The following FAM193A variants were observed in gnomAD, a reference collection of about 807,000 sequenced individuals.
FAM193A encodes the protein family with sequence similarity 193 member A.
Under a neutral mutation model 126.5 loss-of-function variants are expected in FAM193A, and 22 were observed. That is an observed-to-expected ratio of 0.17 (90% confidence interval 0.12 to 0.25). The LOEUF is 0.25. FAM193A is among the 10% of genes least tolerant of loss of function. FAM193A has a pLI of 1.00. For missense variants in FAM193A, 1,675 were observed against 1,672.8 expected (o/e 1.00, Z -0.02); for synonymous variants, 761 against 646.8 (o/e 1.18, Z -2.68).
At chr4:2,662,564 A>C (rs1210028674) in intron 10 of FAM193A, among the ~76,000 whole-genome samples, 2 of 152,208 alleles carry the variant, frequency 1.3e-5, no homozygotes, top group African/African-American at 4.8e-5. Flanking sequence ...AGTCTGGTTA[A>C]ATTTTTGTAG....
intron 1 of FAM193A, among the ~76,000 whole-genome samples, chr4:2,575,762 G>A (rs1463392428): frequency 1.3e-5 from 2 of 152,024 alleles, no homozygotes; most frequent in Non-Finnish European, 1.5e-5. Context: ...CATCGCGCCC[G>A]GCGAGATACT....
intron 15 of FAM193A, 63 bp from the exon 16 acceptor site, chr4:2,693,523 T>A: frequency 6.7e-7 from 1 of 1,499,464 alleles, no homozygotes; most frequent in Non-Finnish European, 9.1e-7. Context: ...TCTTTCAGAT[T>A]TTCTACAGGT....
intron 4 of FAM193A, among the ~76,000 whole-genome samples, chr4:2,628,219 A>G (rs182766625): frequency 2.2e-4 from 33 of 152,222 alleles, no homozygotes; most frequent in Non-Finnish European, 4.6e-4. Flanking sequence ...TGTGCAGTAG[A>G]TTCTTTCCTG....
In FAM193A at chr4:2,659,817, C is replaced by G; in HGVS notation, c.1508C>G (p.Ala503Gly). Residue 503 changes from alanine to glycine, a missense_variant, in exon 10 of 21, where the codon GCT becomes GGT. Ala to Gly is a moderately conservative substitution (Grantham distance 60). Transcript: ENST00000637812. ...TGTCCTTAATTCCTGATCAGATGTG[C>G]TTGCGATGACTGCAGTCTCTCACAC... The part of the protein sequence containing the change: ...CPNCNYRRRC[A>G]CDDCSLSHIL... 6.2e-7 allele frequency: 1 copy of G among 1,614,158 alleles called. No homozygotes were observed. The highest frequency in any genetic ancestry group is 8.5e-7 in the Non-Finnish European group (1 of 1,180,034).
intron 19 of FAM193A, among the ~76,000 whole-genome samples, chr4:2,714,855 C>T (rs952701500): frequency 6.6e-6 from 1 of 152,262 alleles, no homozygotes; most frequent in Middle Eastern, 3.4e-3. Flanking sequence ...GTCAGTGGCT[C>T]CTGTCCTCTT....
At chr4:2,537,402 G>GC (rs1157895019) in intron 1 of FAM193A, among the ~76,000 whole-genome samples, 3 of 152,194 alleles carry the variant, frequency 2.0e-5, no homozygotes, top group Non-Finnish European at 2.9e-5. Flanking sequence ...GAGAACCTGA[G>GC]CAGAGGCGGC....
chr4:2,718,496 A>T (rs141998070), intron 20 of FAM193A, among the ~76,000 whole-genome samples: 407 of 152,084 alleles, frequency 2.7e-3, no homozygotes, highest in African/African-American at 7.7e-3. Flanking sequence ...GGAAGCCAAG[A>T]CAGGCGGATC....
intron 20 of FAM193A, among the ~76,000 whole-genome samples, chr4:2,720,985 A>G (rs1174552604): frequency 6.6e-6 from 1 of 152,180 alleles, no homozygotes; most frequent in Admixed American, 6.5e-5. Flanking sequence ...CAACCTGGAC[A>G]ACATAGACCA....
chr4:2,603,169 T>A (rs913738259), intron 2 of FAM193A, among the ~76,000 whole-genome samples: 1 of 138,482 alleles, frequency 7.2e-6, no homozygotes, highest in South Asian at 2.1e-4. Flanking sequence ...TATATATATA[T>A]TTTTTAGTAG....
At chr4:2,690,993 C>T in intron 15 of FAM193A, 23 bp downstream of exon 15, 1 of 1,591,358 alleles carries the variant, frequency 6.3e-7, no homozygotes, top group Non-Finnish European at 8.6e-7. Flanking sequence ...GGCTCACTGG[C>T]CCTCGGGGTC....
At chr4:2,651,933 T>C (rs1745710919) in intron 7 of FAM193A, among the ~76,000 whole-genome samples, 1 of 151,056 alleles carries the variant, frequency 6.6e-6, no homozygotes, top group Non-Finnish European at 1.5e-5. Context: ...AAGAGTCCCT[T>C]GCAAGGGTCG....
intron 19 of FAM193A, among the ~76,000 whole-genome samples, chr4:2,710,161 G>GTTTTTTTTTTTTTTCTTTT (rs1718757701): frequency 4.4e-5 from 4 of 91,818 alleles, no homozygotes; most frequent in African/African-American, 8.0e-5. Flanking sequence ...TTCTTCTTTT[G>GTTTTTTTTTTTTTTCTTTT]TTTTTTTTTT....
At chr4:2,638,781 A>G (rs190916815) in intron 5 of FAM193A, among the ~76,000 whole-genome samples, 1 of 152,368 alleles carries the variant, frequency 6.6e-6, no homozygotes, top group East Asian at 1.9e-4. Context: ...ATTAGGTGAC[A>G]TAACAGTGAA....
intron 13 of FAM193A, among the ~76,000 whole-genome samples, chr4:2,685,922 G>C (rs909826883): frequency 6.6e-6 from 1 of 152,166 alleles, no homozygotes; most frequent in African/African-American, 2.4e-5. Context: ...TCTCAAAGTG[G>C]ATAAAAATGC....
chr4:2,647,294 C>T (rs1171765489), intron 7 of FAM193A, among the ~76,000 whole-genome samples: 1 of 152,008 alleles, frequency 6.6e-6, no homozygotes, highest in Non-Finnish European at 1.5e-5. Context: ...TACAGGCATG[C>T]ACCAACCATG....
chr4:2,677,778 G>T (rs191942709), intron 13 of FAM193A, among the ~76,000 whole-genome samples: 1 of 151,904 alleles, frequency 6.6e-6, no homozygotes, highest in East Asian at 1.9e-4. Flanking sequence ...GGTTATTCAG[G>T]ATCCCGTGAG....
chr4:2,566,261 A>T (rs1000489407), intron 1 of FAM193A, among the ~76,000 whole-genome samples: 1 of 152,042 alleles, frequency 6.6e-6, no homozygotes. Flanking sequence ...GTTAGCCAGC[A>T]TGGTCTCGAT....
At chr4:2,604,791 CTTTTTTTTTTTTT>C (rs869148370) in intron 2 of FAM193A, among the ~76,000 whole-genome samples, 26 of 99,674 alleles carry the variant, frequency 2.6e-4, no homozygotes, top group Admixed American at 7.7e-4. Flanking sequence ...TTTCTTTTTC[CTTTTTTTTTTTTT>C]TTTTTTTTTT....
chr4:2,615,543 G>A (rs1007479156), intron 2 of FAM193A, among the ~76,000 whole-genome samples: 1 of 151,852 alleles, frequency 6.6e-6, no homozygotes, highest in African/African-American at 2.4e-5. Flanking sequence ...TTTTTGAGAC[G>A]GAGCCTCACT....
Sources: allele counts gnomAD v4.1 joint callset (sites outside exome capture counted in the v4.1 genomes callset), GRCh38; gene constraint gnomAD v4.1.1; transcripts MANE v1.5; gene names NCBI Gene and HGNC (gene_info 2026-07-23, HGNC 2026-07-21).